The following PEPD variants were observed in gnomAD, a reference collection of about 807,000 sequenced individuals.
PEPD encodes xaa-Pro dipeptidase.
Under a neutral mutation model 60.7 loss-of-function variants are expected in PEPD, and 53 were observed. The ratio of observed to expected loss-of-function variants is 0.87; its 90% CI spans 0.70 to 1.10. The LOEUF (loss-of-function observed/expected upper bound fraction) is 1.10, where lower values mean the gene tolerates loss of function less well. PEPD is among the 50% of genes least tolerant of loss of function. PEPD has a pLI of 0.00. For synonymous variants in PEPD, 267 were observed against 284.1 expected, an observed-to-expected ratio of 0.94 and a Z score of 0.60; for missense variants, 711 against 711.9, an observed-to-expected ratio of 1.00 and a Z score of 0.01.
At position 33,417,271 on chromosome 19, in the gene PEPD, G is replaced by C. The variant is rs545063818; in HGVS notation, c.672-3628C>G. ...CTCAATGGATCTCAGGTACTCAAGA[G>C]GTGGAGAGGGGAGGCTGGGCCGGAA... On this transcript the variant is annotated intron_variant, in intron 9 of 14. Transcript: ENST00000244137. Among the ~76,000 whole-genome samples the C allele has an allele frequency of 1.8e-3, 280 of 152,378 alleles. 1 individual carries two copies. Among genetic ancestry groups the C allele is most frequent in the African/African-American group, 5.9e-3 (247 of 41,594 alleles).
At chr19:33,492,557 G>C (rs1437684914) in intron 5 of PEPD, among the ~76,000 whole-genome samples, 1 of 152,026 alleles carries the variant, frequency 6.6e-6, no homozygotes, top group Admixed American at 6.6e-5. Context: ...GCACTCTTCT[G>C]GTTATTTTTA....
Position 33,500,926 on chromosome 19 carries a change from C to G in PEPD, c.393+12G>C. ...AGCCCTGGGCTGCTCAGAGGAGGAG[C>G]CGGCTACCCACCTCATCTACGTACT... On this transcript the variant is annotated intron_variant, in intron 4 of 14. Coordinates refer to ENST00000244137, the MANE Select transcript of PEPD (RefSeq NM_000285.4). 6.5e-7 allele frequency: 1 copy of G among 1,544,066 alleles called. No individual in the cohort carries two copies. The highest frequency in any genetic ancestry group is 9.0e-7 in the Non-Finnish European group (1 of 1,117,010).
At chr19:33,503,094 C>T (rs1323918758) in intron 3 of PEPD, among the ~76,000 whole-genome samples, 1 of 152,072 alleles carries the variant, frequency 6.6e-6, no homozygotes, top group Non-Finnish European at 1.5e-5. Flanking sequence ...CATTCTCAGC[C>T]TTTGTGACAC....
At chr19:33,423,033 TATCC>T (rs970217110) in intron 9 of PEPD, among the ~76,000 whole-genome samples, 16 of 151,264 alleles carry the variant, frequency 1.1e-4, no homozygotes, top group Middle Eastern at 3.5e-3. Flanking sequence ...TCATCCTATC[TATCC>T]ATCCATCATC....
rs939335453 is a variant in PEPD, at chr19:33,480,750, G to A, written c.504-2660C>T. ...GCGGAGATTGCAGTGAGCCAAGATC[G>A]CACCACTGCACTCCAGCCTGGCGAC... On this transcript the variant is annotated intron_variant, in intron 6 of 14. Transcript: ENST00000244137. Among the ~76,000 whole-genome samples, 53 of 151,940 alleles carry A rather than the reference G, an allele frequency of 3.5e-4. 1 individual carries two copies. The highest frequency in any genetic ancestry group is 1.1e-3 in the African/African-American group (47 of 41,322).
chr19:33,505,688 C>A (rs149720058), intron 3 of PEPD, among the ~76,000 whole-genome samples: 38 of 151,804 alleles, frequency 2.5e-4, no homozygotes, highest in African/African-American at 8.5e-4. Context: ...TCATCACAAA[C>A]ACCCTACACA....
intron 4 of PEPD, among the ~76,000 whole-genome samples, chr19:33,499,091 C>T (rs867134382): frequency 6.6e-6 from 1 of 152,138 alleles, no homozygotes; most frequent in Non-Finnish European, 1.5e-5. Flanking sequence ...CTGAGACATA[C>T]AAGGCAAGTG....
At chr19:33,470,008 C>T (rs1004376264) in intron 7 of PEPD, among the ~76,000 whole-genome samples, 40 of 152,134 alleles carry the variant, frequency 2.6e-4, no homozygotes, top group African/African-American at 3.1e-4. Flanking sequence ...GAACCCCCAC[C>T]GTGCCCCCAT....
chr19:33,401,591 G>C, intron 12 of PEPD, 130 bp downstream of exon 12: 1 of 879,122 alleles, frequency 1.1e-6, no homozygotes, highest in South Asian at 1.4e-5. Flanking sequence ...TGGAATCTCA[G>C]GGACTAAGCA....
intron 9 of PEPD, among the ~76,000 whole-genome samples, chr19:33,417,742 GC>G (rs1968919589): frequency 6.6e-6 from 1 of 152,208 alleles, no homozygotes; most frequent in South Asian, 2.1e-4. Context: ...CCCTCCTCAG[GC>G]AGCAGGAGAG....
intron 3 of PEPD, among the ~76,000 whole-genome samples, chr19:33,503,407 T>C (rs1266713408): frequency 6.6e-6 from 1 of 152,190 alleles, no homozygotes; most frequent in East Asian, 1.9e-4. Flanking sequence ...CTTGTGCATT[T>C]GAGACAGGAC....
intron 3 of PEPD, among the ~76,000 whole-genome samples, chr19:33,505,765 ATT>A (rs1970788737): frequency 6.8e-6 from 1 of 146,624 alleles, no homozygotes; most frequent in Non-Finnish European, 1.5e-5. Context: ...CACCCTACAC[ATT>A]ATTTACTCAC....
intron 9 of PEPD, among the ~76,000 whole-genome samples, chr19:33,446,534 A>G (rs1969597750): frequency 6.6e-6 from 1 of 152,180 alleles, no homozygotes; most frequent in African/African-American, 2.4e-5. Context: ...TGCCCATGCC[A>G]TCCCCAAGCC....
In PEPD at chr19:33,510,879, C is replaced by T. The variant is rs1970912512; in HGVS notation, c.329+149G>A. 3 of 790,788 alleles carry T rather than the reference C, an allele frequency of 3.8e-6. No homozygotes were observed. The Admixed American group carries it at 6.1e-5, about 16-fold the overall frequency. 49.0% of individuals were successfully genotyped at this position (790,788 alleles called of 1,614,324 possible). A position where few individuals can be genotyped will look rare whatever the true frequency, so the allele number is the denominator to read the frequency against. On this transcript the variant is annotated intron_variant, in intron 3 of 14. Coordinates refer to ENST00000244137, the MANE Select transcript of PEPD (RefSeq NM_000285.4). ...GTGCAGGGCTCTGGCGAGAGGCAGG[C>T]TGTGACAGCCCTGACCGCATGCCCT...
chr19:33,511,543 C>T (rs991939423), intron 2 of PEPD: 1 of 340,152 alleles, frequency 2.9e-6, no homozygotes, highest in Non-Finnish European at 5.8e-6. Context: ...CGGATATCTG[C>T]ACAGAAATGG....
In PEPD at chr19:33,460,922, G is replaced by C. The variant is rs562113949; in HGVS notation, c.671+2073C>G. On this transcript the variant is annotated intron_variant, in intron 9 of 14. Transcript: ENST00000244137. Reference sequence around the variant, plus strand: ...GGAAGGTGGAGCAGTTTGTAGACAGGGGTGACATCTCCCCAGAGCTCAGGT... The same window carrying C: ...GGAAGGTGGAGCAGTTTGTAGACAGCGGTGACATCTCCCCAGAGCTCAGGT... 2.2e-3 allele frequency among the ~76,000 whole-genome samples: 338 copies of C among 152,232 alleles called. 2 individuals carry two copies. Among genetic ancestry groups the C allele is most frequent in the African/African-American group, 7.9e-3 (326 of 41,518 alleles).
At chr19:33,453,748 G>T (rs1010212675) in intron 9 of PEPD, among the ~76,000 whole-genome samples, 1 of 152,150 alleles carries the variant, frequency 6.6e-6, no homozygotes, top group African/African-American at 2.4e-5. Flanking sequence ...TCAATTCATT[G>T]GATCCTCCTA....
chr19:33,477,343 T>C (rs1023015405), intron 7 of PEPD: 1 of 158,192 alleles, frequency 6.3e-6, no homozygotes, highest in Non-Finnish European at 1.4e-5. Context: ...TAGGGTCATA[T>C]GTGAGAAGGC....
At chr19:33,432,353 G>C (rs1199016047) in intron 9 of PEPD, among the ~76,000 whole-genome samples, 3 of 152,216 alleles carry the variant, frequency 2.0e-5, no homozygotes, top group African/African-American at 7.2e-5. Flanking sequence ...GTCAGAGACT[G>C]GTTGGAAAAC....
Sources: gnomAD v4.1 joint callset for allele counts (sites outside exome capture counted in the v4.1 genomes callset) on GRCh38, gnomAD v4.1.1 for gene constraint, MANE v1.5 for transcripts, NCBI Gene and HGNC (gene_info 2026-07-23, HGNC 2026-07-21) for gene names.